The following RIT2 variants were observed in gnomAD, a reference collection of about 807,000 sequenced individuals.
The protein encoded by RIT2 is GTP-binding protein Rit2.
RIT2 carries 24 observed loss-of-function variants against 23.7 expected under a neutral mutation model. The observed-to-expected ratio is 1.01, with a 90% CI of 0.73 to 1.43. RIT2 has a LOEUF of 1.43. RIT2 is among the 40% of genes most tolerant of loss of function. RIT2 has a pLI of 0.00. For synonymous variants in RIT2, 107 were observed against 91.1 expected, an observed-to-expected ratio of 1.17 and a Z score of -0.99; for missense variants, 236 against 266.9, an observed-to-expected ratio of 0.88 and a Z score of 0.81.
chr18:42,753,017 G>T (rs993617299), intron 4 of RIT2, among the ~76,000 whole-genome samples: 4 of 152,284 alleles, frequency 2.6e-5, no homozygotes, highest in Middle Eastern at 3.4e-3. Flanking sequence ...AGATCACCGT[G>T]TAATATGCCA....
In RIT2 at chr18:42,756,624, G is replaced by A. The variant is rs577739819; in HGVS notation, c.427-12904C>T. On this transcript the variant is annotated intron_variant, in intron 4 of 4. Coordinates refer to ENST00000326695, the MANE Select transcript of RIT2 (RefSeq NM_002930.4). ...ATAAATCAATAAAATTGGGCAGTAC[G>A]TGCAATATATATAAATGCAGGACCT... 1.7e-4 allele frequency among the ~76,000 whole-genome samples: 26 copies of A among 152,200 alleles called. 1 individual carries two copies. Among genetic ancestry groups the A allele is most frequent in the Middle Eastern group, 6.8e-3 (2 of 294 alleles).
chr18:42,858,964 A>G (rs1907257933), intron 4 of RIT2, among the ~76,000 whole-genome samples: 1 of 152,066 alleles, frequency 6.6e-6, no homozygotes, highest in Admixed American at 6.5e-5. Context: ...AATTGATGGC[A>G]TTTTGGTTGT....
chr18:42,870,754 C>T (rs1598692437), intron 4 of RIT2, among the ~76,000 whole-genome samples: 1 of 151,998 alleles, frequency 6.6e-6, no homozygotes, highest in Admixed American at 6.6e-5. Context: ...AATATGGCAG[C>T]CCTGCTGAGA....
chr18:43,083,462 C>T (rs1443612546), intron 1 of RIT2, among the ~76,000 whole-genome samples: 1 of 152,138 alleles, frequency 6.6e-6, no homozygotes, highest in East Asian at 1.9e-4. Context: ...AAACATCACG[C>T]TACCTGACTT....
chr18:42,878,966 G>T (rs915975608), intron 4 of RIT2, among the ~76,000 whole-genome samples: 7 of 151,500 alleles, frequency 4.6e-5, no homozygotes, highest in Non-Finnish European at 1.0e-4. Context: ...ATCTTCCCTA[G>T]GGTTTACAAC....
chr18:42,883,133 C>T (rs1272609415), intron 4 of RIT2, among the ~76,000 whole-genome samples: 7 of 151,484 alleles, frequency 4.6e-5, no homozygotes, highest in East Asian at 1.9e-4. Flanking sequence ...TGTGTGTGCA[C>T]GAGAGTGTGT....
At chr18:43,091,527 T>C (rs1167911670) in intron 1 of RIT2, among the ~76,000 whole-genome samples, 3 of 152,082 alleles carry the variant, frequency 2.0e-5, no homozygotes, top group Non-Finnish European at 4.4e-5. Context: ...CTGATAAATA[T>C]GGCCATAAGC....
chr18:42,794,350 TA>T (rs1914107963), intron 4 of RIT2, among the ~76,000 whole-genome samples: 1 of 152,204 alleles, frequency 6.6e-6, no homozygotes, highest in Non-Finnish European at 1.5e-5. Flanking sequence ...TCTTCATTTT[TA>T]AAGTAGGCAA....
Position 43,040,817 on chromosome 18 carries a change from C to T in RIT2, c.104-6950G>A, listed in dbSNP as rs115521350. ...AAGGAAAATGAAATGTTATACTTTC[C>T]CCCCCAAAAAAAAATCATTTTCTGA... On this transcript the variant is annotated intron_variant, in intron 1 of 4. Coordinates refer to ENST00000326695, the MANE Select transcript of RIT2 (RefSeq NM_002930.4). Among the ~76,000 whole-genome samples the T allele has an allele frequency of 4.9e-3, 743 of 151,464 alleles. 6 individuals carry two copies. The highest frequency in any genetic ancestry group is 0.016 in the African/African-American group (663 of 41,336).
chr18:42,784,281 A>C (rs1054384907), intron 4 of RIT2, among the ~76,000 whole-genome samples: 1 of 152,040 alleles, frequency 6.6e-6, no homozygotes, highest in African/African-American at 2.4e-5. Flanking sequence ...AAAAAAAAAA[A>C]AAAAATTAAT....
At chr18:42,885,576 ACT>A (rs1029968000) in intron 4 of RIT2, among the ~76,000 whole-genome samples, 3 of 152,090 alleles carry the variant, frequency 2.0e-5, no homozygotes, top group African/African-American at 7.2e-5. Context: ...ACAGAGCGAG[ACT>A]CTGTCTCAAA....
chr18:43,086,918 C>T (rs1913296069), intron 1 of RIT2, among the ~76,000 whole-genome samples: 1 of 152,134 alleles, frequency 6.6e-6, no homozygotes, highest in African/African-American at 2.4e-5. Context: ...TCACGTTCAT[C>T]TTTGATTCCC....
rs147302052 is a variant in RIT2, at chr18:42,828,726, G to C, written c.427-85006C>G. On this transcript the variant is annotated intron_variant, in intron 4 of 4. Transcript: ENST00000326695. Reference sequence around the variant, plus strand: ...GGGAACTGTCACCATGGCCTGGAGCGTAAAGATTCATAGCATATTCTATTC... The same window carrying C: ...GGGAACTGTCACCATGGCCTGGAGCCTAAAGATTCATAGCATATTCTATTC... Among the ~76,000 whole-genome samples the C allele has an allele frequency of 2.7e-4, 41 of 152,286 alleles. 1 individual carries two copies. Among genetic ancestry groups the C allele is most frequent in the African/African-American group, 9.1e-4 (38 of 41,560 alleles).
intron 3 of RIT2, among the ~76,000 whole-genome samples, chr18:42,970,673 A>G (rs1387863357): frequency 1.3e-5 from 2 of 152,002 alleles, no homozygotes; most frequent in African/African-American, 4.8e-5. Flanking sequence ...CCTTTATGGT[A>G]TGGTAATGGT....
intron 4 of RIT2, among the ~76,000 whole-genome samples, chr18:42,796,524 C>T (rs1458168358): frequency 2.6e-5 from 4 of 152,180 alleles, no homozygotes; most frequent in African/African-American, 9.6e-5. Flanking sequence ...TGTGGGTCAA[C>T]TCTCTTTAGG....
intron 3 of RIT2, among the ~76,000 whole-genome samples, chr18:42,971,835 T>A (rs1271022776): frequency 6.6e-6 from 1 of 152,044 alleles, no homozygotes; most frequent in Non-Finnish European, 1.5e-5. Context: ...GGACCAAGAC[T>A]AGCAGATTGT....
intron 1 of RIT2, among the ~76,000 whole-genome samples, chr18:43,067,885 A>G (rs1396883114): frequency 2.6e-5 from 4 of 152,094 alleles, no homozygotes; most frequent in Non-Finnish European, 5.9e-5. Context: ...CAGAGAGTTC[A>G]TTCAGATGGT....
At chr18:42,983,598 A>G (rs553797015) in intron 2 of RIT2, among the ~76,000 whole-genome samples, 2 of 152,100 alleles carry the variant, frequency 1.3e-5, no homozygotes, top group African/African-American at 2.4e-5. Context: ...TGAAAATCAC[A>G]TATTTGACAA....
At chr18:42,907,741 G>A in intron 4 of RIT2, among the ~76,000 whole-genome samples, 1 of 116,980 alleles carries the variant, frequency 8.5e-6, no homozygotes, top group South Asian at 2.8e-4. Context: ...AGTGCTTTGG[G>A]AGGCCAAGGC....
Sources: allele counts gnomAD v4.1 joint callset (sites outside exome capture counted in the v4.1 genomes callset), GRCh38; gene constraint gnomAD v4.1.1; transcripts MANE v1.5; gene names NCBI Gene and HGNC (gene_info 2026-07-23, HGNC 2026-07-21).